KCNMA1: variants seen among roughly 807,000 people sequenced by gnomAD.
KCNMA1 encodes Calcium-activated potassium channel subunit alpha-1.
KCNMA1 carries 29 observed loss-of-function variants against 140.0 expected under a neutral mutation model. The ratio of observed to expected loss-of-function variants is 0.21; its 90% confidence interval spans 0.15 to 0.28. The LOEUF is 0.28. Ranked by LOEUF, KCNMA1 falls within the 10% of genes least tolerant of loss-of-function variation. The pLI, the probability that KCNMA1 is intolerant of heterozygous loss-of-function variation, is 1.00. For synonymous variants in KCNMA1, 612 were observed against 611.9 expected, an observed-to-expected ratio of 1.00 and a Z score of 0.00; for missense variants, 880 against 1,602.2, an observed-to-expected ratio of 0.55 and a Z score of 7.70.
chr10:77,042,348 C>T (rs1237941752), intron 14 of KCNMA1, among the ~76,000 whole-genome samples: 2 of 152,078 alleles, frequency 1.3e-5, no homozygotes, highest in African/African-American at 4.8e-5. Flanking sequence ...CTAACTCTAA[C>T]TAATTTGAAG....
chr10:76,970,213 A>G (rs1207880145), intron 19 of KCNMA1, 146 bp from the exon 20 acceptor site: 1 of 713,680 alleles, frequency 1.4e-6, no homozygotes, highest in Non-Finnish European at 2.5e-6. Flanking sequence ...ACAAAGACCA[A>G]ATGTGTTAGT....
intron 2 of KCNMA1, among the ~76,000 whole-genome samples, chr10:77,286,777 G>A (rs556633849): frequency 1.3e-5 from 1 of 78,198 alleles, no homozygotes; most frequent in Non-Finnish European, 2.8e-5. Context: ...GGGGGGGGGG[G>A]GGGGGTTCCA....
In KCNMA1 at chr10:77,573,641, T is replaced by TA. The variant is rs1191953753; in HGVS notation, c.378+63623_378+63624insT. On this transcript the variant is annotated intron_variant, in intron 1 of 27. Transcript: ENST00000286628. ...TGGAATGGAATGGAATGGAATGGAA[T>TA]GGAATAGAATAGAATAGAATAGAAT... 1.9e-4 allele frequency among the ~76,000 whole-genome samples: 6 copies of TA among 31,394 alleles called. No homozygotes were observed. In the South Asian group the frequency reaches 3.2e-3, roughly 17 times the overall value. The allele number at this position is 31,394 out of a possible 152,430, so 20.6% of individuals were successfully genotyped here. A position where few individuals can be genotyped will look rare whatever the true frequency, so the allele number is the denominator to read the frequency against.
intron 14 of KCNMA1, among the ~76,000 whole-genome samples, chr10:77,054,269 G>A (rs145761818): frequency 1.3e-5 from 2 of 152,286 alleles, no homozygotes; most frequent in African/African-American, 2.4e-5. Context: ...AGATAGAAAT[G>A]TCCTTCTCAT....
chr10:77,268,732 T>C (rs2064122820), intron 2 of KCNMA1, among the ~76,000 whole-genome samples: 2 of 152,094 alleles, frequency 1.3e-5, no homozygotes, highest in African/African-American at 4.8e-5. Context: ...CCTCAAGTAA[T>C]AAAGCAGGGA....
intron 25 of KCNMA1, among the ~76,000 whole-genome samples, chr10:76,898,864 A>C (rs1042290131): frequency 1.1e-4 from 16 of 152,006 alleles, no homozygotes; most frequent in Non-Finnish European, 2.9e-5. Flanking sequence ...TTTTTAAAAA[A>C]AAGCAGGATG....
rs141747271 is a variant in KCNMA1 at position 77,454,435 on chromosome 10, T to C, written c.379-50412A>G. 2.8e-3 allele frequency among the ~76,000 whole-genome samples: 421 copies of C among 152,314 alleles called. 2 individuals are homozygous for C. The Middle Eastern group carries it at 0.054, about 20-fold the overall frequency. On this transcript the variant is annotated intron_variant, in intron 1 of 27. Transcript: ENST00000286628. ...TTTGTTTCTCTGTTTGCTAACAGTGTCACATTTCCCAAGCAGTGATACTCT... is the reference window on the plus strand; with the variant it reads ...TTTGTTTCTCTGTTTGCTAACAGTGCCACATTTCCCAAGCAGTGATACTCT...
intron 9 of KCNMA1, chr10:77,090,758 A>AAGCC: frequency 5.3e-6 from 3 of 563,148 alleles, no homozygotes; most frequent in Non-Finnish European, 9.6e-6. Flanking sequence ...ATCCTATTAA[A>AAGCC]AGCCCAACTG....
intron 1 of KCNMA1, among the ~76,000 whole-genome samples, chr10:77,503,848 A>G (rs1337329527): frequency 1.3e-5 from 2 of 152,220 alleles, no homozygotes; most frequent in Admixed American, 6.5e-5. Flanking sequence ...GGTCCCCACC[A>G]TATTAGCAAC....
At chr10:77,007,758 G>A (rs942342067) in intron 18 of KCNMA1, among the ~76,000 whole-genome samples, 8 of 150,506 alleles carry the variant, frequency 5.3e-5, no homozygotes, top group Middle Eastern at 3.5e-3. Flanking sequence ...AGGAGACCAA[G>A]TATAATTTAT....
chr10:77,377,792 GCAAGTCATTCAT>G (rs1379337565), intron 2 of KCNMA1, among the ~76,000 whole-genome samples: 1 of 152,180 alleles, frequency 6.6e-6, no homozygotes, highest in Non-Finnish European at 1.5e-5. Flanking sequence ...GCAACCCTCA[GCAAGTCATTCAT>G]CCACTCTGAG....
At chr10:77,238,776 C>T (rs1443458091) in intron 3 of KCNMA1, among the ~76,000 whole-genome samples, 1 of 152,174 alleles carries the variant, frequency 6.6e-6, no homozygotes, top group Non-Finnish European at 1.5e-5. Context: ...GCAGATGAAT[C>T]CATCTTAAGA....
intron 3 of KCNMA1, among the ~76,000 whole-genome samples, chr10:77,206,416 G>C (rs1052622545): frequency 1.6e-4 from 24 of 152,090 alleles, no homozygotes; most frequent in Non-Finnish European, 5.9e-5. Context: ...CAGGACAAGG[G>C]CTTAGACAGT....
intron 6 of KCNMA1, among the ~76,000 whole-genome samples, chr10:77,114,834 T>G (rs1399907804): frequency 6.6e-6 from 1 of 152,234 alleles, no homozygotes; most frequent in Non-Finnish European, 1.5e-5. Context: ...CTTTTCTAGC[T>G]CTTGCATTTT....
At chr10:77,237,668 G>A (rs1039496899) in intron 3 of KCNMA1, among the ~76,000 whole-genome samples, 2 of 151,970 alleles carry the variant, frequency 1.3e-5, no homozygotes, top group Admixed American at 1.3e-4. Flanking sequence ...GCCCAGGCTG[G>A]TCTTGAACTC....
chr10:76,963,972 T>C (rs80201460), intron 20 of KCNMA1, among the ~76,000 whole-genome samples: 4,201 of 152,176 alleles, frequency 0.028, 173 homozygotes, highest in African/African-American at 0.095. Flanking sequence ...GCACCATAAA[T>C]GGTTCCAACT....
At chr10:77,489,363 C>A (rs1466128998) in intron 1 of KCNMA1, among the ~76,000 whole-genome samples, 1 of 151,722 alleles carries the variant, frequency 6.6e-6, no homozygotes, top group African/African-American at 2.4e-5. Flanking sequence ...GAGATGGAGT[C>A]TCACTCTTGT....
intron 3 of KCNMA1, among the ~76,000 whole-genome samples, chr10:77,240,256 G>T (rs1273140976): frequency 6.6e-6 from 1 of 152,206 alleles, no homozygotes; most frequent in African/African-American, 2.4e-5. Flanking sequence ...TATTTTCAGA[G>T]ATGATGTAGA....
At chr10:77,014,843 T>G (rs907492543) in intron 17 of KCNMA1, among the ~76,000 whole-genome samples, 2 of 152,188 alleles carry the variant, frequency 1.3e-5, no homozygotes, top group Admixed American at 1.3e-4. Context: ...AGAATCATTC[T>G]CTTCCCCACC....
Sources: gnomAD v4.1 joint callset for allele counts (sites outside exome capture counted in the v4.1 genomes callset) on GRCh38, gnomAD v4.1.1 for gene constraint, MANE v1.5 for transcripts, NCBI Gene and HGNC (gene_info 2026-07-23, HGNC 2026-07-21) for gene names.